The following ANO3 variants were observed in gnomAD, a reference collection of about 807,000 sequenced individuals.
ANO3 encodes anoctamin 3.
ANO3 carries 99 observed loss-of-function variants against 144.8 expected under a neutral mutation model. The observed-to-expected ratio is 0.68, with a 90% confidence interval of 0.58 to 0.81. The LOEUF (loss-of-function observed/expected upper bound fraction) is 0.81. ANO3 is among the 30% of genes least tolerant of loss of function. The probability of loss-of-function intolerance (pLI) is 0.00; values close to 1 mark genes in which losing one functional copy is unlikely to be tolerated. For missense variants in ANO3, 905 were observed against 1,202.2 expected (o/e 0.75, Z 3.66); for synonymous variants, 414 against 392.6 (o/e 1.05, Z -0.64).
At chr11:26,446,110 G>A (rs1339984447) in intron 3 of ANO3, among the ~76,000 whole-genome samples, 3 of 152,168 alleles carry the variant, frequency 2.0e-5, no homozygotes, top group Non-Finnish European at 4.4e-5. Context: ...GGGATTACGG[G>A]CATGAGCCAC....
chr11:26,415,884 A>G (rs1030565967), intron 1 of ANO3, among the ~76,000 whole-genome samples: 3 of 152,110 alleles, frequency 2.0e-5, no homozygotes, highest in Non-Finnish European at 4.4e-5. Context: ...AATTAGAACA[A>G]TTGTATTCAG....
intron 24 of ANO3, 115 bp from the exon 25 acceptor site, chr11:26,656,010 T>G (rs1565170236): frequency 1.2e-5 from 10 of 828,936 alleles, no homozygotes; most frequent in Non-Finnish European, 1.3e-5. Context: ...TGCTAAAAGT[T>G]TATCATTAGA....
chr11:26,340,035 G>A (rs1855314131), intron 1 of ANO3, among the ~76,000 whole-genome samples: 1 of 152,106 alleles, frequency 6.6e-6, no homozygotes, highest in African/African-American at 2.4e-5. Flanking sequence ...GTTCCTTGAG[G>A]GTAAAACTGG....
At chr11:26,489,133 G>T (rs1032384390) in intron 4 of ANO3, among the ~76,000 whole-genome samples, 1 of 152,154 alleles carries the variant, frequency 6.6e-6, no homozygotes, top group African/African-American at 2.4e-5. Context: ...AAGTGGTTTC[G>T]TGGGCTGGCC....
At chr11:26,209,160 G>C (rs35055734) in intron 1 of ANO3, among the ~76,000 whole-genome samples, 45,986 of 151,964 alleles carry the variant, frequency 0.3, 7,698 homozygotes, top group Non-Finnish European at 0.37. Flanking sequence ...GCTACCCCTT[G>C]ACAGGCCCCA....
At chr11:26,411,029 T>G (rs908719458) in intron 1 of ANO3, among the ~76,000 whole-genome samples, 8 of 152,012 alleles carry the variant, frequency 5.3e-5, no homozygotes, top group Non-Finnish European at 7.4e-5. Context: ...ATTTCAGTGA[T>G]TTACTAGAGT....
chr11:26,458,157 T>G lies in ANO3; in HGVS notation c.314-4873T>G, dbSNP rs187124064. ...TCTGGGCATATGTGCAATAAATGTC[T>G]CATCACCACATGAGGAGGATTTCAT... is the stretch of plus-strand genomic sequence containing the variant. On this transcript the variant is annotated intron_variant, in intron 3 of 26. Coordinates refer to ENST00000256737, the MANE Select transcript of ANO3 (RefSeq NM_031418.4). Among the ~76,000 whole-genome samples the G allele has an allele frequency of 1.1e-3, 173 of 152,268 alleles. 1 individual carries two copies. Among genetic ancestry groups the G allele is most frequent in the Admixed American group, 2.8e-3 (43 of 15,280 alleles).
intron 23 of ANO3, among the ~76,000 whole-genome samples, chr11:26,647,262 T>C (rs1197013980): frequency 6.7e-6 from 1 of 149,472 alleles, no homozygotes; most frequent in African/African-American, 2.4e-5. Context: ...CTAGTTTTGC[T>C]TTTTTTGTAT....
intron 1 of ANO3, among the ~76,000 whole-genome samples, chr11:26,371,381 CT>C (rs965864621): frequency 6.6e-6 from 1 of 152,228 alleles, no homozygotes; most frequent in Non-Finnish European, 1.5e-5. Context: ...CAGAAGTTTG[CT>C]GCAAGGATGG....
In ANO3 at chr11:26,378,521, T is replaced by A. The variant is rs547934419; in HGVS notation, c.46+46200T>A. The stretch of plus-strand genomic sequence containing the variant: ...TAGCAGTGGATCTGGGAAACACACT[T>A]TTAAAAATTAAAAAGTAAAAGGAGA... On this transcript the variant is annotated intron_variant, in intron 1 of 26. Coordinates refer to ENST00000256737, the MANE Select transcript of ANO3 (RefSeq NM_031418.4). Among the ~76,000 whole-genome samples the A allele has an allele frequency of 5.3e-5, 8 of 151,470 alleles. No homozygotes were observed. The South Asian group carries it at 1.7e-3, about 32-fold the overall frequency.
intron 13 of ANO3, among the ~76,000 whole-genome samples, chr11:26,558,082 C>T (rs1469820471): frequency 6.6e-6 from 1 of 152,112 alleles, no homozygotes; most frequent in African/African-American, 2.4e-5. Flanking sequence ...TGTTCCTAAA[C>T]TATTAATGTT....
At chr11:26,583,837 T>G (rs1266189862) in intron 14 of ANO3, among the ~76,000 whole-genome samples, 2 of 152,160 alleles carry the variant, frequency 1.3e-5, no homozygotes, top group African/African-American at 4.8e-5. Context: ...ACTGGCAATC[T>G]GAGTTGTTGC....
chr11:26,528,202 T>C (rs1475758036), intron 7 of ANO3, among the ~76,000 whole-genome samples: 1 of 152,194 alleles, frequency 6.6e-6, no homozygotes, highest in Non-Finnish European at 1.5e-5. Flanking sequence ...ATTGAGTACT[T>C]ACTATGTTCT....
rs1235439073 is a variant in ANO3, at chr11:26,480,587, C to T, written c.432+17439C>T. Among the ~76,000 whole-genome samples, 9 of 152,042 alleles carry T rather than the reference C, an allele frequency of 5.9e-5. No homozygotes were observed. The South Asian group carries it at 1.5e-3, about 25-fold the overall frequency. ...CTTTGGGAGGCCAAGATGTGTGGAT[C>T]GCTTGAGGTAAGGAGTTTGAGAACA... On this transcript the variant is annotated intron_variant, in intron 4 of 26. Coordinates refer to ENST00000256737, the MANE Select transcript of ANO3 (RefSeq NM_031418.4).
intron 1 of ANO3, among the ~76,000 whole-genome samples, chr11:26,311,887 A>G (rs1457431679): frequency 2.6e-5 from 4 of 152,184 alleles, no homozygotes; most frequent in Non-Finnish European, 5.9e-5. Flanking sequence ...TCTAGGGTAC[A>G]TGTGCACAAT....
In ANO3 at chr11:26,634,241, C is replaced by G. The variant is rs77422010; in HGVS notation, c.1911C>G (p.Phe637Leu). 1 of 1,613,884 alleles carries G rather than the reference C, an allele frequency of 6.2e-7. No homozygotes were observed. ...PRTESEWENS[F>L]ALKMFLFQFV... ...CAGAATCAGAGTGGGAAAACAGCTTCGCCCTGAAGATGTTCCTCTTCCAGT... is the reference window on the plus strand; with the variant it reads ...CAGAATCAGAGTGGGAAAACAGCTTGGCCCTGAAGATGTTCCTCTTCCAGT... The change falls in exon 19 of 27, where the codon TTC becomes TTG. Residue 637 changes from phenylalanine (F) to leucine (L), a missense_variant. Physicochemically the swap from Phe to Leu is conservative, Grantham distance 22. Transcript: ENST00000256737.
At chr11:26,643,849 T>G (rs1042154890) in intron 23 of ANO3, among the ~76,000 whole-genome samples, 2 of 152,184 alleles carry the variant, frequency 1.3e-5, no homozygotes, top group Admixed American at 6.5e-5. Context: ...GACACAGCAT[T>G]CATCCCCTTT....
In ANO3 at chr11:26,467,048, G is replaced by T. The variant is rs192797893; in HGVS notation, c.432+3900G>T. 4.6e-3 allele frequency among the ~76,000 whole-genome samples: 691 copies of T among 151,868 alleles called. 3 individuals are homozygous for T. Among genetic ancestry groups the T allele is most frequent in the African/African-American group, 0.016 (654 of 41,436 alleles). ...TTTTTTAAAAACTCTATTTACAAAAGTGCCTTCCTTGTGAAAACATTAAAT... is the reference window on the plus strand; with the variant it reads ...TTTTTTAAAAACTCTATTTACAAAATTGCCTTCCTTGTGAAAACATTAAAT... On this transcript the variant is annotated intron_variant, in intron 4 of 26. Coordinates refer to ENST00000256737, the MANE Select transcript of ANO3 (RefSeq NM_031418.4).
At chr11:26,381,887 G>A (rs187035278) in intron 1 of ANO3, among the ~76,000 whole-genome samples, 11 of 152,232 alleles carry the variant, frequency 7.2e-5, no homozygotes, top group Non-Finnish European at 2.9e-5. Context: ...AAGTAAACAT[G>A]AAATGAATTT....
Sources: allele counts gnomAD v4.1 joint callset (sites outside exome capture counted in the v4.1 genomes callset), GRCh38; gene constraint gnomAD v4.1.1; transcripts MANE v1.5; gene names NCBI Gene and HGNC (gene_info 2026-07-23, HGNC 2026-07-21).